Variants in FMN1 observed in about 807,000 individuals in gnomAD.
FMN1 encodes the protein formin-1.
FMN1 carries 110 observed loss-of-function variants against 132.4 expected under a neutral mutation model. The ratio of observed to expected loss-of-function variants is 0.83; its 90% CI spans 0.71 to 0.97. The LOEUF (loss-of-function observed/expected upper bound fraction) is 0.97, where lower values mean the gene tolerates loss of function less well. Among genes scored for constraint, FMN1 ranks in the 50% least tolerant of loss-of-function variants. FMN1 has a pLI of 0.00. For synonymous variants in FMN1, 722 were observed against 651.7 expected (o/e 1.11, Z -1.64); for missense variants, 1,792 against 1,705.3 (o/e 1.05, Z -0.90).
At chr15:32,876,499 G>C (rs558193475) in intron 16 of FMN1, among the ~76,000 whole-genome samples, 2 of 152,308 alleles carry the variant, frequency 1.3e-5, no homozygotes, top group South Asian at 4.1e-4. Flanking sequence ...CAGTTTCTCA[G>C]TTTTAACAAA....
rs80003543 is a variant in FMN1, at chr15:33,014,928, T to C, written c.2162-6853A>G. ...TTACATATGGGTACGGATAACATTA[T>C]TGAGGGTTATTTTTCAGGAATAGTT... On this transcript the variant is annotated intron_variant, in intron 6 of 20. Coordinates refer to ENST00000616417, the MANE Select transcript of FMN1 (RefSeq NM_001277313.2). Among the ~76,000 whole-genome samples, 157 of 152,328 alleles carry C rather than the reference T, an allele frequency of 1.0e-3. 2 individuals are homozygous for C. In the East Asian group the frequency reaches 0.023, roughly 22 times the overall value.
chr15:32,991,361 T>TC (rs1463670458), intron 7 of FMN1, among the ~76,000 whole-genome samples: 1 of 152,210 alleles, frequency 6.6e-6, no homozygotes, highest in African/African-American at 2.4e-5. Flanking sequence ...TCAGGCTGTT[T>TC]CCTGCACCAT....
intron 7 of FMN1, among the ~76,000 whole-genome samples, chr15:32,999,459 T>C (rs1482473897): frequency 1.3e-5 from 2 of 152,180 alleles, no homozygotes; most frequent in African/African-American, 4.8e-5. Context: ...GAGGCCAGCA[T>C]ACCATTTCAT....
At chr15:33,037,030 C>T (rs2036222866) in intron 6 of FMN1, among the ~76,000 whole-genome samples, 1 of 152,226 alleles carries the variant, frequency 6.6e-6, no homozygotes, top group South Asian at 2.1e-4. Context: ...TTCTTTTTTC[C>T]TATACACCTT....
chr15:32,822,361 CAAA>C, intron 17 of FMN1, among the ~76,000 whole-genome samples: 1 of 152,012 alleles, frequency 6.6e-6, no homozygotes, highest in East Asian at 1.9e-4. Context: ...AACAAACAAA[CAAA>C]CAAAAAAGAT....
In FMN1 at chr15:32,775,870, T is replaced by C. The variant is rs556123045; in HGVS notation, c.4215+965A>G. Reference sequence around the variant, plus strand: ...TCTAAAAGGATAAAGTAAGTAGTTGTTGGACATCAGGGCCCAGAGAGGACA... The same window carrying C: ...TCTAAAAGGATAAAGTAAGTAGTTGCTGGACATCAGGGCCCAGAGAGGACA... On this transcript the variant is annotated intron_variant, in intron 20 of 20. Transcript: ENST00000616417. 9.8e-4 allele frequency among the ~76,000 whole-genome samples: 150 copies of C among 152,306 alleles called. 4 individuals are homozygous for C. In the South Asian group the frequency reaches 0.029, roughly 30 times the overall value.
chr15:33,036,007 C>T (rs1205045131), intron 6 of FMN1, among the ~76,000 whole-genome samples: 4 of 152,270 alleles, frequency 2.6e-5, no homozygotes. Context: ...TCACCATACC[C>T]CACACCACCT....
At chr15:33,097,952 A>G (rs1323065307) in intron 4 of FMN1, among the ~76,000 whole-genome samples, 4 of 152,216 alleles carry the variant, frequency 2.6e-5, no homozygotes, top group African/African-American at 7.2e-5. Context: ...TAGAATATGT[A>G]TTTTTGCAAG....
intron 17 of FMN1, among the ~76,000 whole-genome samples, chr15:32,807,628 A>AT (rs2057727918): frequency 6.6e-6 from 1 of 152,206 alleles, no homozygotes; most frequent in Non-Finnish European, 1.5e-5. Context: ...CCATAACTGT[A>AT]TATGAATTTA....
At chr15:33,165,681 G>A (rs117209258) in intron 3 of FMN1, among the ~76,000 whole-genome samples, 22 of 152,062 alleles carry the variant, frequency 1.4e-4, no homozygotes, top group African/African-American at 4.6e-4. Flanking sequence ...GTGAGCCACC[G>A]CACCTGGCCG....
At chr15:32,955,243 C>A (rs866540456) in intron 9 of FMN1, among the ~76,000 whole-genome samples, 9 of 152,258 alleles carry the variant, frequency 5.9e-5, no homozygotes, top group African/African-American at 2.2e-4. Flanking sequence ...TGAATGACAT[C>A]AAATAAATCC....
intron 6 of FMN1, among the ~76,000 whole-genome samples, chr15:33,031,417 G>C (rs956546411): frequency 4.6e-5 from 7 of 152,150 alleles, no homozygotes; most frequent in Non-Finnish European, 8.8e-5. Flanking sequence ...GTCCTCTCCA[G>C]AGGAGCTGCC....
chr15:33,131,236 G>T (rs1963531668), intron 4 of FMN1, among the ~76,000 whole-genome samples: 1 of 150,310 alleles, frequency 6.7e-6, no homozygotes, highest in Non-Finnish European at 1.5e-5. Context: ...GGCTGAGGCG[G>T]AAGAATCACT....
At chr15:32,898,616 C>T (rs970784595) in intron 15 of FMN1, among the ~76,000 whole-genome samples, 2 of 152,124 alleles carry the variant, frequency 1.3e-5, no homozygotes, top group South Asian at 4.2e-4. Flanking sequence ...GTGTTATAGT[C>T]GATTGAGACT....
At position 33,072,117 on chromosome 15, in the gene FMN1, ATTCTT is replaced by A. The variant is rs1427735176; in HGVS notation, c.2044-7048_2044-7044del. On this transcript the variant is annotated intron_variant, in intron 5 of 20. Coordinates refer to ENST00000616417, the MANE Select transcript of FMN1 (RefSeq NM_001277313.2). ...AAACAACCTTATACTGAGGATGACC[ATTCTT>A]TTCTTTTGAGTAACTTGGGGAAAAA... Among the ~76,000 whole-genome samples, 6 of 152,192 alleles carry A rather than the reference ATTCTT, an allele frequency of 3.9e-5. No individual in the cohort carries two copies. In the East Asian group the frequency reaches 7.7e-4, roughly 20 times the overall value.
intron 18 of FMN1, 54 bp downstream of exon 18, chr15:32,804,227 T>C (rs2057579404): frequency 3.2e-6 from 4 of 1,259,634 alleles, no homozygotes; most frequent in South Asian, 2.7e-5. Flanking sequence ...ATAATAATAA[T>C]ACAAAAGAAT....
chr15:32,876,942 A>ATT (rs148575295), intron 16 of FMN1, among the ~76,000 whole-genome samples: 1 of 151,930 alleles, frequency 6.6e-6, no homozygotes, highest in Non-Finnish European at 1.5e-5. Flanking sequence ...ATTTTGGCCA[A>ATT]TTTTTTTCCA....
At chr15:33,014,792 A>G (rs1279722499) in intron 6 of FMN1, among the ~76,000 whole-genome samples, 1 of 152,244 alleles carries the variant, frequency 6.6e-6, no homozygotes, top group African/African-American at 2.4e-5. Flanking sequence ...GTCATTACAA[A>G]GTTTGTGCCC....
intron 9 of FMN1, among the ~76,000 whole-genome samples, chr15:32,929,600 C>T (rs565668581): frequency 1.3e-4 from 20 of 152,236 alleles, no homozygotes; most frequent in African/African-American, 4.3e-4. Flanking sequence ...GCCGTTGTTC[C>T]AGCCCCTGGG....
Sources: allele counts gnomAD v4.1 joint callset (sites outside exome capture counted in the v4.1 genomes callset), GRCh38; gene constraint gnomAD v4.1.1; transcripts MANE v1.5; gene names NCBI Gene and HGNC (gene_info 2026-07-23, HGNC 2026-07-21).